Variants in ITGA11 observed in about 807,000 individuals in gnomAD.
ITGA11 encodes the protein integrin subunit alpha 11, also known as integrin alpha-11.
Under a neutral mutation model 141.9 loss-of-function variants are expected in ITGA11, and 97 were observed. The observed-to-expected ratio is 0.68, with a 90% CI of 0.58 to 0.81. ITGA11 has a LOEUF of 0.81. ITGA11 is among the 30% of genes least tolerant of loss of function. The pLI, the probability that ITGA11 is intolerant of heterozygous loss-of-function variation, is 0.00. For synonymous variants in ITGA11, 658 were observed against 624.6 expected (o/e 1.05, Z -0.80); for missense variants, 1,387 against 1,559.2 (o/e 0.89, Z 1.86).
intron 5 of ITGA11, among the ~76,000 whole-genome samples, chr15:68,360,534 A>AC (rs1010059215): frequency 3.3e-5 from 5 of 152,060 alleles, no homozygotes; most frequent in Non-Finnish European, 5.9e-5. Context: ...CTGAATTAGG[A>AC]CCCACATGGG....
At chr15:68,430,702 G>C (rs929228354) in intron 1 of ITGA11, among the ~76,000 whole-genome samples, 11 of 152,180 alleles carry the variant, frequency 7.2e-5, no homozygotes, top group African/African-American at 2.7e-4. Flanking sequence ...GCTTCTAGTT[G>C]CATATTGGCC....
intron 14 of ITGA11, 77 bp downstream of exon 14, chr15:68,331,782 G>A: frequency 8.0e-7 from 1 of 1,247,684 alleles, no homozygotes; most frequent in Non-Finnish European, 1.1e-6. Flanking sequence ...TGAACCAGAT[G>A]AGGCACAGAA....
intron 7 of ITGA11, among the ~76,000 whole-genome samples, chr15:68,356,412 G>A (rs182427476): frequency 1.6e-3 from 246 of 152,142 alleles, no homozygotes; most frequent in Middle Eastern, 6.8e-3. Flanking sequence ...CCGAGTTCTG[G>A]TGTGATTTTT....
rs539863455 is a variant in ITGA11 at position 68,422,573 on chromosome 15, CAG to C, written c.52+9440_52+9441del. On this transcript the variant is annotated intron_variant, in intron 1 of 29. Transcript: ENST00000315757. ...CCACCTGAGGAAGCTCCTCCAAGCA[CAG>C]ATAGAACATGTCACTGCTCTCCCTC... Among the ~76,000 whole-genome samples the C allele has an allele frequency of 5.9e-3, 899 of 152,240 alleles. 6 individuals carry two copies. Among genetic ancestry groups the C allele is most frequent in the Non-Finnish European group, 9.4e-3 (639 of 68,028 alleles).
intron 1 of ITGA11, among the ~76,000 whole-genome samples, chr15:68,420,675 G>T (rs1200158756): frequency 1.3e-5 from 2 of 152,176 alleles, no homozygotes; most frequent in African/African-American, 4.8e-5. Context: ...CGGGTGGGGA[G>T]ATTTTAACTG....
chr15:68,389,025 TG>T (rs1896054749), intron 2 of ITGA11, among the ~76,000 whole-genome samples: 1 of 152,120 alleles, frequency 6.6e-6, no homozygotes, highest in South Asian at 2.1e-4. Context: ...TTTCCATCTC[TG>T]TACTCTTTCC....
intron 21 of ITGA11, 50 bp from the exon 22 acceptor site, chr15:68,315,777 C>G (rs1893552810): frequency 1.4e-6 from 2 of 1,446,720 alleles, no homozygotes; most frequent in Non-Finnish European, 1.9e-6. Context: ...CAGCCCCGCC[C>G]ACTCCCCACA....
Position 68,305,068 on chromosome 15 carries a change from G to C in ITGA11, c.3382-1183C>G, listed in dbSNP as rs1893149594. Among the ~76,000 whole-genome samples, 1 of 152,234 alleles carries C rather than the reference G, an allele frequency of 6.6e-6. No individual in the cohort carries two copies. The highest frequency in any genetic ancestry group is 2.4e-5 in the African/African-American group (1 of 41,468). ...AGTAAAAAGTGCAGTCCTGGCCCTG[G>C]CCTGCAAGGCCCTCCCCTCTCGGGT... is the stretch of plus-strand genomic sequence containing the variant. On this transcript the variant is annotated intron_variant, in intron 28 of 29. Transcript: ENST00000315757. The surrounding 1 kb of genome is among the most constrained non-coding windows in gnomAD (Gnocchi z 4.6).
intron 2 of ITGA11, among the ~76,000 whole-genome samples, chr15:68,377,121 ACTT>A (rs756328724): frequency 1.4e-4 from 21 of 152,128 alleles, no homozygotes; most frequent in Non-Finnish European, 2.6e-4. Flanking sequence ...AATTTGTTTT[ACTT>A]CTTTCGGTCA....
rs1892957011 is a variant in ITGA11, at chr15:68,298,523, G to A, written c.*4536C>T. 6.6e-6 allele frequency: 1 copy of A among 152,124 alleles called. No homozygotes were observed. Among genetic ancestry groups the A allele is most frequent in the Non-Finnish European group, 1.5e-5 (1 of 68,048 alleles). The allele number at this position is 152,124 out of a possible 1,614,324, so 9.4% of individuals were successfully genotyped here. ...TGTCTGTAGTCCCAGCTACTCAAGA[G>A]GCTGAGGTGGGAGGATCACTGAAGT... On this transcript the variant is annotated 3_prime_UTR_variant, in exon 30 of 30. Coordinates refer to ENST00000315757, the MANE Select transcript of ITGA11 (RefSeq NM_001004439.2).
chr15:68,431,517 C>G (rs886220102), intron 1 of ITGA11, among the ~76,000 whole-genome samples: 3 of 152,312 alleles, frequency 2.0e-5, no homozygotes, highest in South Asian at 4.1e-4. Flanking sequence ...CCCTCACCCC[C>G]ACCCTTCAGC....
At chr15:68,379,884 A>T (rs1895817082) in intron 2 of ITGA11, among the ~76,000 whole-genome samples, 1 of 151,720 alleles carries the variant, frequency 6.6e-6, no homozygotes, top group Admixed American at 6.6e-5. Flanking sequence ...TGTAGGTCTG[A>T]CAGCTTCTCA....
At chr15:68,352,209 T>C (rs1470427537) in intron 7 of ITGA11, among the ~76,000 whole-genome samples, 1 of 150,554 alleles carries the variant, frequency 6.6e-6, no homozygotes, top group East Asian at 2.0e-4. Flanking sequence ...TTTTTTTTAA[T>C]TGAGACAGAG....
Position 68,335,650 on chromosome 15 carries a change from C to T in ITGA11, c.1425+47G>A, listed in dbSNP as rs764224356. 6 of 1,599,906 alleles carry T rather than the reference C, an allele frequency of 3.8e-6. No individual in the cohort carries two copies. The East Asian group carries it at 1.4e-4, about 36-fold the overall frequency. ...TTTACTGCCCTCCCATTTGTCTGATCTGCCCCCTCTTCCCTCCATCCCGGC... is the reference window on the plus strand; with the variant it reads ...TTTACTGCCCTCCCATTTGTCTGATTTGCCCCCTCTTCCCTCCATCCCGGC... On this transcript the variant is annotated intron_variant, in intron 12 of 29. Transcript: ENST00000315757. This position sits in a 1 kb window ranked among gnomAD's most constrained non-coding sequence, Gnocchi z 4.9.
chr15:68,312,774 C>G lies in ITGA11; in HGVS notation c.2972G>C (p.Arg991Thr). The change falls in exon 24 of 30, where the codon AGG becomes ACG. Residue 991 changes from arginine to threonine, a missense_variant and splice_region_variant. Arg to Thr is a moderately conservative substitution (Grantham distance 71). Coordinates refer to ENST00000315757, the MANE Select transcript of ITGA11 (RefSeq NM_001004439.2). ...TACCCGGCTCCCCTCCAGCCTCACC[C>G]TGAAGATGCAGCTGAAGGGAGGCCC... Reference protein sequence around the residue: ...GIGPPFSCIFRIQNLGLFPIH... With the variant: ...GIGPPFSCIFTIQNLGLFPIH... The G allele has an allele frequency of 6.2e-7, 1 of 1,611,434 alleles. No individual in the cohort carries two copies. The highest frequency in any genetic ancestry group is 8.5e-7 in the Non-Finnish European group (1 of 1,177,902).
chr15:68,321,932 T>G lies in ITGA11; in HGVS notation c.2323-429A>C, dbSNP rs1046115451. Among the ~76,000 whole-genome samples, 1 of 152,164 alleles carries G rather than the reference T, an allele frequency of 6.6e-6. No homozygotes were observed. The highest frequency in any genetic ancestry group is 2.4e-5 in the African/African-American group (1 of 41,444). On this transcript the variant is annotated intron_variant, in intron 18 of 29. Transcript: ENST00000315757. The surrounding 1 kb of genome is among the most constrained non-coding windows in gnomAD (Gnocchi z 4.9). ...TGTGCAAAAAAACCGAAAAGAAATG[T>G]GCATGAGGAATAGAAGAGGCAGAGA...
At chr15:68,329,001 G>T (rs1218123658) in intron 15 of ITGA11, among the ~76,000 whole-genome samples, 2 of 152,184 alleles carry the variant, frequency 1.3e-5, no homozygotes, top group Non-Finnish European at 2.9e-5. Flanking sequence ...TCCCAACCAT[G>T]AATGTATATA....
intron 2 of ITGA11, among the ~76,000 whole-genome samples, chr15:68,388,727 A>G (rs995318311): frequency 6.6e-6 from 1 of 152,082 alleles, no homozygotes; most frequent in African/African-American, 2.4e-5. Context: ...CTAGACTTCT[A>G]CAGCCTTCCC....
At chr15:68,377,506 A>G (rs986975647) in intron 2 of ITGA11, among the ~76,000 whole-genome samples, 5 of 152,158 alleles carry the variant, frequency 3.3e-5, no homozygotes, top group African/African-American at 1.2e-4. Flanking sequence ...TCCTGACCTC[A>G]GGTGATCTGC....
Sources: gnomAD v4.1 joint callset for allele counts (sites outside exome capture counted in the v4.1 genomes callset) on GRCh38, gnomAD v4.1.1 for gene constraint, Gnocchi (gnomAD v3.1) non-coding constraint, MANE v1.5 for transcripts, NCBI Gene and HGNC (gene_info 2026-07-23, HGNC 2026-07-21) for gene names.